EXD3: variants seen among roughly 807,000 people sequenced by gnomAD.
The protein encoded by EXD3 is exonuclease 3'-5' domain containing 3, also known as exonuclease mut-7 homolog.
EXD3 carries 92 observed loss-of-function variants against 98.0 expected under a neutral mutation model. That is an observed-to-expected ratio of 0.94 (90% CI 0.79 to 1.12). The LOEUF (loss-of-function observed/expected upper bound fraction) is 1.12. Ranked by LOEUF, EXD3 falls within the 50% of genes most tolerant of loss-of-function variation. EXD3 has a pLI of 0.00. For synonymous variants in EXD3, 569 were observed against 526.0 expected (o/e 1.08, Z -1.12); for missense variants, 1,222 against 1,191.6 (o/e 1.03, Z -0.38).
intron 1 of EXD3, among the ~76,000 whole-genome samples, chr9:137,413,528 C>A (rs1176613568): frequency 6.0e-5 from 8 of 132,392 alleles, no homozygotes; most frequent in Non-Finnish European, 1.1e-4. Flanking sequence ...TTTTTTGAGA[C>A]AGGGTCTCGC....
Position 137,351,289 on chromosome 9 carries a change from T to C in EXD3, c.1384+29A>G, listed in dbSNP as rs745952444. On this transcript the variant is annotated intron_variant, in intron 13 of 21. Transcript: ENST00000340951. Reference sequence around the variant, plus strand: ...GGTGCGGGCTGCTTTCTTTCTGGACTGGGCAGGGGGCCCCAGGGCTTCACT... The same window carrying C: ...GGTGCGGGCTGCTTTCTTTCTGGACCGGGCAGGGGGCCCCAGGGCTTCACT... 3.8e-6 allele frequency: 6 copies of C among 1,593,830 alleles called. No homozygotes were observed. In the East Asian group the frequency reaches 1.4e-4, roughly 36 times the overall value.
At position 137,352,191 on chromosome 9, in the gene EXD3, C is replaced by A. The variant is rs763146329; in HGVS notation, c.1048G>T (p.Ala350Ser). 30 of 1,612,676 alleles carry A rather than the reference C, an allele frequency of 1.9e-5. No homozygotes were observed. In the East Asian group the frequency reaches 3.3e-4, roughly 18 times the overall value. Residue 350 changes from alanine (A) to serine (S), a missense_variant, in exon 12 of 22, where the codon GCT (alanine) becomes TCT (serine). Ala to Ser is a moderately conservative substitution (Grantham distance 99). Coordinates refer to ENST00000340951, the MANE Select transcript of EXD3 (RefSeq NM_017820.5). ...RFRLQGRATE[A>S]DSRLEVKDMK... ...TCCTTCACCTCCAGCCTCGAGTCAG[C>A]CTCAGTCGCCCTGGGAGGAGCAGAG...
Position 137,405,904 on chromosome 9 carries a change from T to C in EXD3, c.-47-10500A>G, listed in dbSNP as rs1837690628. Among the ~76,000 whole-genome samples the C allele has an allele frequency of 2.6e-5, 4 of 152,192 alleles. No homozygotes were observed. Among genetic ancestry groups the C allele is most frequent in the Admixed American group, 2.0e-4 (3 of 15,282 alleles). On this transcript the variant is annotated intron_variant, in intron 1 of 21. Coordinates refer to ENST00000340951, the MANE Select transcript of EXD3 (RefSeq NM_017820.5). The surrounding 1 kb of genome is among the most constrained non-coding windows in gnomAD (Gnocchi z 4.1). ...CGTGCCCCAATGCCAGGCAGAGGCCTCTGTGCTCTGAAGAGTGAATAAAAC... is the reference window on the plus strand; with the variant it reads ...CGTGCCCCAATGCCAGGCAGAGGCCCCTGTGCTCTGAAGAGTGAATAAAAC...
At chr9:137,365,837 C>T (rs563806337) in intron 7 of EXD3, 24 of 355,794 alleles carry the variant, frequency 6.7e-5, no homozygotes, top group Non-Finnish European at 1.3e-4. Context: ...GACATACACA[C>T]CTGCACAAAC....
At chr9:137,330,281 C>A (rs186861204) in intron 17 of EXD3, among the ~76,000 whole-genome samples, 1 of 128,066 alleles carries the variant, frequency 7.8e-6, no homozygotes, top group Non-Finnish European at 1.6e-5. Flanking sequence ...ACAGGAACTA[C>A]ACAGGAACTA....
At chr9:137,367,591 C>T (rs544015725) in intron 6 of EXD3, 22 of 259,076 alleles carry the variant, frequency 8.5e-5, no homozygotes, top group Non-Finnish European at 1.3e-4. Context: ...ACGGTGGAGG[C>T]GTGCAGCAGA....
intron 1 of EXD3, among the ~76,000 whole-genome samples, chr9:137,401,766 C>A (rs1039860441): frequency 1.3e-5 from 2 of 152,146 alleles, no homozygotes; most frequent in African/African-American, 4.8e-5. Context: ...GACCCTGGGC[C>A]CAGCCCACAA....
chr9:137,329,217 A>AG (rs1327996780), intron 17 of EXD3, among the ~76,000 whole-genome samples: 5 of 10,274 alleles, frequency 4.9e-4, no homozygotes, highest in Non-Finnish European at 6.8e-4. Flanking sequence ...GCTACACGGG[A>AG]CGACACGGGG....
rs902610102 is a variant in EXD3 at position 137,365,709 on chromosome 9, T to C, written c.656+784A>G. ...ACACATGCACACACGTACACACCCA[T>C]GCACACACACATACAAACACACACC... On this transcript the variant is annotated intron_variant, in intron 7 of 21. Coordinates refer to ENST00000340951, the MANE Select transcript of EXD3 (RefSeq NM_017820.5). 3.6e-5 allele frequency: 10 copies of C among 278,016 alleles called. No individual in the cohort carries two copies. The East Asian group carries it at 4.8e-4, about 13-fold the overall frequency. 17.2% of individuals were successfully genotyped at this position (278,016 alleles called of 1,614,324 possible). A position where few individuals can be genotyped will look rare whatever the true frequency, so the allele number is the denominator to read the frequency against.
chr9:137,328,486 A>AATATACACTCAGATGATG (rs1284957127), intron 17 of EXD3, among the ~76,000 whole-genome samples: 3 of 4,236 alleles, frequency 7.1e-4, no homozygotes, highest in East Asian at 6.7e-3. Flanking sequence ...GTAAAAACAA[A>AATATACACTCAGATGATG]AGTAAAAACA....
At chr9:137,362,159 T>C (rs1436600418) in intron 7 of EXD3, among the ~76,000 whole-genome samples, 1 of 152,202 alleles carries the variant, frequency 6.6e-6, no homozygotes, top group Non-Finnish European at 1.5e-5. Context: ...TCCAAGCTCA[T>C]TCTATCAGGC....
intron 1 of EXD3, among the ~76,000 whole-genome samples, chr9:137,416,016 C>T (rs942028306): frequency 2.0e-5 from 3 of 152,204 alleles, no homozygotes; most frequent in Non-Finnish European, 4.4e-5. Context: ...TGTATACACC[C>T]TGGTTTGTAT....
intron 17 of EXD3, among the ~76,000 whole-genome samples, chr9:137,330,379 C>G (rs920616797): frequency 7.0e-6 from 1 of 142,508 alleles, no homozygotes; most frequent in African/African-American, 2.7e-5. Flanking sequence ...AGGAGCTACA[C>G]AGGACTACAC....
intron 2 of EXD3, among the ~76,000 whole-genome samples, chr9:137,394,683 G>A (rs1474353119): frequency 7.1e-6 from 1 of 141,642 alleles, no homozygotes; most frequent in African/African-American, 2.6e-5. Context: ...CCTCAGCACT[G>A]AATCTGGCAG....
intron 2 of EXD3, among the ~76,000 whole-genome samples, chr9:137,388,435 G>A (rs548163570): frequency 6.6e-6 from 1 of 152,306 alleles, no homozygotes; most frequent in South Asian, 2.1e-4. Flanking sequence ...GGCTAATGGG[G>A]CTGCCTTCAC....
chr9:137,365,902 C>T (rs1835221496), intron 7 of EXD3: 1 of 398,932 alleles, frequency 2.5e-6, no homozygotes, highest in East Asian at 6.3e-5. Context: ...CAGGCACACA[C>T]ATACATGCAC....
In EXD3 at chr9:137,365,703, C is replaced by T. The variant is rs532843920; in HGVS notation, c.656+790G>A. ...ACAGGCACACATGCACACACGTACA[C>T]ACCCATGCACACACACATACAAACA... On this transcript the variant is annotated intron_variant, in intron 7 of 21. Coordinates refer to ENST00000340951, the MANE Select transcript of EXD3 (RefSeq NM_017820.5). The T allele has an allele frequency of 4.8e-5, 14 of 294,350 alleles. No homozygotes were observed. The East Asian group carries it at 1.1e-3, about 24-fold the overall frequency. 18.2% of individuals were successfully genotyped at this position (294,350 alleles called of 1,614,324 possible). A position where few individuals can be genotyped will look rare whatever the true frequency, so the allele number is the denominator to read the frequency against.
intron 17 of EXD3, among the ~76,000 whole-genome samples, chr9:137,332,175 T>C (rs1833100473): frequency 6.6e-6 from 1 of 152,206 alleles, no homozygotes; most frequent in South Asian, 2.1e-4. Flanking sequence ...AAGCAATCTA[T>C]AGATTCAGTG....
intron 2 of EXD3, chr9:137,392,947 T>C: frequency 7.5e-6 from 4 of 530,152 alleles, no homozygotes; most frequent in Non-Finnish European, 1.0e-5. Context: ...GGAGGGCCAT[T>C]AGTGTTCCAG....
Sources: allele counts gnomAD v4.1 joint callset (sites outside exome capture counted in the v4.1 genomes callset), GRCh38; gene constraint gnomAD v4.1.1; non-coding constraint Gnocchi (gnomAD v3.1); transcripts MANE v1.5; gene names NCBI Gene and HGNC (gene_info 2026-07-23, HGNC 2026-07-21).